Variants in ANK3 observed in about 807,000 individuals in gnomAD.
ANK3 encodes the protein ankyrin 3.
Under a neutral mutation model 370.9 loss-of-function variants are expected in ANK3, and 57 were observed. That is an observed-to-expected ratio of 0.15 (90% CI 0.12 to 0.19). The LOEUF is 0.19. Ranked by LOEUF, ANK3 falls within the 10% of genes least tolerant of loss-of-function variation. The pLI, the probability that ANK3 is intolerant of heterozygous loss-of-function variation, is 1.00. For synonymous variants in ANK3, 1,929 were observed against 1,946.3 expected, an observed-to-expected ratio of 0.99 and a Z score of 0.23; for missense variants, 4,439 against 5,302.1, an observed-to-expected ratio of 0.84 and a Z score of 5.06.
intron 1 of ANK3, among the ~76,000 whole-genome samples, chr10:60,372,987 A>G (rs2060308806): frequency 6.6e-6 from 1 of 152,234 alleles, no homozygotes; most frequent in South Asian, 2.1e-4. Context: ...TGATCAGTAG[A>G]TTTTTTTAAA....
chr10:60,483,328 T>G (rs567962324), intron 2 of ANK3, among the ~76,000 whole-genome samples: 7 of 152,260 alleles, frequency 4.6e-5, no homozygotes, highest in South Asian at 2.1e-4. Context: ...AAACTTTAAT[T>G]CCAAAATAAT....
At chr10:60,234,005 C>A (rs997712923) in intron 8 of ANK3, among the ~76,000 whole-genome samples, 35 of 152,110 alleles carry the variant, frequency 2.3e-4, no homozygotes, top group African/African-American at 8.5e-4. Context: ...AGTATTTGTC[C>A]TTTTGTGACT....
intron 1 of ANK3, among the ~76,000 whole-genome samples, chr10:60,361,725 T>C (rs1203335962): frequency 6.6e-6 from 1 of 152,196 alleles, no homozygotes; most frequent in Non-Finnish European, 1.5e-5. Flanking sequence ...TTCCTAGTTA[T>C]AGTTCACTTT....
rs1564474991 is a variant in ANK3, at chr10:60,027,299, T to TG, written c.*2546_*2547insC. 105 of 149,478 alleles carry TG rather than the reference T, an allele frequency of 7.0e-4. No individual in the cohort carries two copies. The highest frequency in any genetic ancestry group is 2.5e-3 in the African/African-American group (101 of 40,448). The allele number at this position is 149,478 out of a possible 1,614,324, so 9.3% of individuals were successfully genotyped here. On this transcript the variant is annotated 3_prime_UTR_variant, in exon 44 of 44. Coordinates refer to ENST00000280772, the MANE Select transcript of ANK3 (RefSeq NM_020987.5). ...CATTTTGGGAAAGTTTTTTTTTTTT[T>TG]TTTTTTTTAAAAAAAAAACCTCTCA...
At chr10:60,421,872 A>C (rs2063786088) in intron 2 of ANK3, among the ~76,000 whole-genome samples, 1 of 152,136 alleles carries the variant, frequency 6.6e-6, no homozygotes, top group African/African-American at 2.4e-5. Flanking sequence ...TACAGGCTTT[A>C]GTTAATTAGG....
At chr10:60,186,514 C>T (rs973331189) in intron 17 of ANK3, 9 of 655,654 alleles carry the variant, frequency 1.4e-5, no homozygotes, top group Admixed American at 4.2e-5. Flanking sequence ...GAGCAACTGG[C>T]GCATTGACCA....
chr10:60,545,147 T>C (rs2076935026), intron 2 of ANK3, among the ~76,000 whole-genome samples: 1 of 108,330 alleles, frequency 9.2e-6, no homozygotes, highest in African/African-American at 3.3e-5. Context: ...AGAGGATTGA[T>C]AAAAGACTGT....
In ANK3 at chr10:60,150,215, C is replaced by T. The variant is rs183607368; in HGVS notation, c.2615-11128G>A. On this transcript the variant is annotated intron_variant, in intron 23 of 43. Coordinates refer to ENST00000280772, the MANE Select transcript of ANK3 (RefSeq NM_020987.5). ...TTGTGTGCTGCCCTGGGACCTCATC[C>T]GGTGCCTGGCGTCTGCACCCTTGTC... Among the ~76,000 whole-genome samples, 102 of 152,188 alleles carry T rather than the reference C, an allele frequency of 6.7e-4. 1 individual carries two copies. In the East Asian group the frequency reaches 0.014, roughly 20 times the overall value.
At chr10:60,256,398 G>C (rs74344109) in intron 7 of ANK3, among the ~76,000 whole-genome samples, 3 of 152,206 alleles carry the variant, frequency 2.0e-5, no homozygotes, top group Non-Finnish European at 4.4e-5. Flanking sequence ...AAATCCCCCA[G>C]ATAATGCTCA....
At chr10:60,361,986 G>C (rs557037907) in intron 1 of ANK3, among the ~76,000 whole-genome samples, 1 of 152,208 alleles carries the variant, frequency 6.6e-6, no homozygotes, top group Non-Finnish European at 1.5e-5. Flanking sequence ...ACCATGAAGA[G>C]ATAATCATTA....
chr10:60,672,727 C>G (rs925834524), intron 1 of ANK3, among the ~76,000 whole-genome samples: 4 of 152,110 alleles, frequency 2.6e-5, no homozygotes, highest in Non-Finnish European at 5.9e-5. Flanking sequence ...TCCTAGGAAC[C>G]CAGATTTACA....
chr10:60,512,712 T>C (rs1595179278), intron 2 of ANK3, among the ~76,000 whole-genome samples: 1 of 152,136 alleles, frequency 6.6e-6, no homozygotes, highest in Admixed American at 6.6e-5. Context: ...TTTTAGAATA[T>C]TACTGACTAT....
At position 60,184,713 on chromosome 10, in the gene ANK3, C is replaced by A. The variant is rs1364193923; in HGVS notation, c.2085+2002G>T. 2.0e-5 allele frequency among the ~76,000 whole-genome samples: 3 copies of A among 152,172 alleles called. No individual in the cohort carries two copies. In the South Asian group the frequency reaches 6.2e-4, roughly 32 times the overall value. On this transcript the variant is annotated intron_variant, in intron 17 of 43. Transcript: ENST00000280772. The stretch of plus-strand genomic sequence containing the variant: ...CCTAAATATTTTTAGCCTAAAATCA[C>A]CCTATGAGGCTAAGATGAATTCAAG...
chr10:60,205,967 T>C (rs1818851175), intron 10 of ANK3, 77 bp from the exon 11 acceptor site: 1 of 937,208 alleles, frequency 1.1e-6, no homozygotes, highest in Non-Finnish European at 1.7e-6. Context: ...GTAAATAGTT[T>C]TGCTAAAATG....
At chr10:60,667,012 T>C (rs1016210765) in intron 1 of ANK3, among the ~76,000 whole-genome samples, 1 of 152,068 alleles carries the variant, frequency 6.6e-6, no homozygotes, top group African/African-American at 2.4e-5. Flanking sequence ...ATTCTTCATA[T>C]AAGTATGTCC....
intron 1 of ANK3, among the ~76,000 whole-genome samples, chr10:60,656,608 C>G (rs1588981339): frequency 6.6e-6 from 1 of 152,206 alleles, no homozygotes; most frequent in Non-Finnish European, 1.5e-5. Flanking sequence ...GAGCCTAGAT[C>G]AATGATTTTG....
At chr10:60,688,457 T>C (rs1280773587) in intron 1 of ANK3, among the ~76,000 whole-genome samples, 1 of 152,236 alleles carries the variant, frequency 6.6e-6, no homozygotes, top group Non-Finnish European at 1.5e-5. Flanking sequence ...AATACTCTAT[T>C]GTACACTTAA....
intron 28 of ANK3, among the ~76,000 whole-genome samples, chr10:60,089,625 A>G (rs1004142825): frequency 6.6e-6 from 1 of 152,078 alleles, no homozygotes; most frequent in African/African-American, 2.4e-5. Context: ...AGTATTTTGG[A>G]AAAGTAGGTT....
intron 2 of ANK3, among the ~76,000 whole-genome samples, chr10:60,466,707 T>G (rs937707260): frequency 6.6e-6 from 1 of 152,072 alleles, no homozygotes; most frequent in Non-Finnish European, 1.5e-5. Context: ...TGTATATATC[T>G]CAATGGAATA....
Sources: allele counts gnomAD v4.1 joint callset (sites outside exome capture counted in the v4.1 genomes callset), GRCh38; gene constraint gnomAD v4.1.1; transcripts MANE v1.5; gene names NCBI Gene and HGNC (gene_info 2026-07-23, HGNC 2026-07-21).